UBTD2: variants seen among roughly 807,000 people sequenced by gnomAD.
UBTD2 encodes ubiquitin domain-containing protein 2.
In UBTD2, 9 loss-of-function variants were observed where a neutral mutation model predicts 19.8. That is an observed-to-expected ratio of 0.46 (90% CI 0.27 to 0.79). UBTD2 has a LOEUF of 0.79. Among genes scored for constraint, UBTD2 ranks in the 30% least tolerant of loss-of-function variants. The pLI is 0.14. For missense variants in UBTD2, 250 were observed against 300.4 expected, an observed-to-expected ratio of 0.83 and a Z score of 1.24; for synonymous variants, 98 against 103.9, an observed-to-expected ratio of 0.94 and a Z score of 0.35.
chr5:172,242,063 C>T (rs545803670), intron 1 of UBTD2, among the ~76,000 whole-genome samples: 3 of 152,290 alleles, frequency 2.0e-5, no homozygotes, highest in African/African-American at 7.2e-5. Flanking sequence ...TAAAAGAATA[C>T]AGCACTTCCT....
At chr5:172,252,060 A>C (rs1755036329) in intron 1 of UBTD2, among the ~76,000 whole-genome samples, 1 of 152,246 alleles carries the variant, frequency 6.6e-6, no homozygotes, top group Non-Finnish European at 1.5e-5. Context: ...AATTAGAAGA[A>C]GTAACTATTT....
chr5:172,254,248 C>T (rs899617736), intron 1 of UBTD2, among the ~76,000 whole-genome samples: 1 of 152,064 alleles, frequency 6.6e-6, no homozygotes, highest in East Asian at 1.9e-4. Context: ...TACAGGTATC[C>T]GCCACCACGC....
At chr5:172,251,090 G>A (rs555416924) in intron 1 of UBTD2, among the ~76,000 whole-genome samples, 6 of 151,806 alleles carry the variant, frequency 4.0e-5, no homozygotes, top group South Asian at 4.2e-4. Context: ...CGAGGCGGGC[G>A]GATCACGAGG....
intron 2 of UBTD2, among the ~76,000 whole-genome samples, chr5:172,215,657 C>T (rs926532156): frequency 6.6e-6 from 1 of 152,120 alleles, no homozygotes; most frequent in African/African-American, 2.4e-5. Flanking sequence ...GAATTTAAAA[C>T]ATGATTAATA....
chr5:172,257,579 T>C (rs1755181347), intron 1 of UBTD2, among the ~76,000 whole-genome samples: 1 of 152,268 alleles, frequency 6.6e-6, no homozygotes, highest in Non-Finnish European at 1.5e-5. Flanking sequence ...CCATAGAGGC[T>C]GAACTAATAT....
intron 1 of UBTD2, among the ~76,000 whole-genome samples, chr5:172,273,437 A>G (rs1755539081): frequency 1.3e-5 from 2 of 151,962 alleles, no homozygotes; most frequent in South Asian, 2.1e-4. Flanking sequence ...CTAAAAATAC[A>G]AAAATTAGCC....
intron 2 of UBTD2, among the ~76,000 whole-genome samples, chr5:172,216,480 T>C (rs1013424682): frequency 2.1e-5 from 3 of 146,284 alleles, no homozygotes; most frequent in African/African-American, 7.6e-5. Context: ...TGGCCAGACA[T>C]ACTGATTCAT....
chr5:172,225,026 C>T (rs1771737072), intron 2 of UBTD2, among the ~76,000 whole-genome samples: 1 of 152,122 alleles, frequency 6.6e-6, no homozygotes, highest in Non-Finnish European at 1.5e-5. Flanking sequence ...CTAGTTTTAA[C>T]ATAGTTCTAG....
intron 2 of UBTD2, among the ~76,000 whole-genome samples, chr5:172,217,656 T>C (rs911992557): frequency 1.3e-5 from 2 of 151,948 alleles, no homozygotes; most frequent in Non-Finnish European, 2.9e-5. Flanking sequence ...CAGGTAATTT[T>C]TGTATTTTTT....
intron 2 of UBTD2, among the ~76,000 whole-genome samples, chr5:172,225,084 GTT>G (rs1205657836): frequency 6.8e-6 from 1 of 147,010 alleles, no homozygotes; most frequent in Non-Finnish European, 1.5e-5. Flanking sequence ...GGAAGGACAG[GTT>G]TTTTTTTTTT....
At position 172,279,932 on chromosome 5, in the gene UBTD2, T is replaced by C. The variant is rs147804325; in HGVS notation, c.70+3664A>G. Among the ~76,000 whole-genome samples, 7 of 152,100 alleles carry C rather than the reference T, an allele frequency of 4.6e-5. No homozygotes were observed. The East Asian group carries it at 1.2e-3, about 25-fold the overall frequency. ...GCCTGACCAACACGGTGAAACCCCATCTCCACTAAAAATATGAAATTAGCC... is the reference window on the plus strand; with the variant it reads ...GCCTGACCAACACGGTGAAACCCCACCTCCACTAAAAATATGAAATTAGCC... On this transcript the variant is annotated intron_variant, in intron 1 of 2. Transcript: ENST00000393792.
intron 2 of UBTD2, among the ~76,000 whole-genome samples, chr5:172,222,673 A>G (rs919448958): frequency 3.3e-5 from 5 of 152,248 alleles, no homozygotes; most frequent in African/African-American, 1.2e-4. Flanking sequence ...AACGAAGGGA[A>G]TCCCAAGAAA....
intron 1 of UBTD2, among the ~76,000 whole-genome samples, chr5:172,259,822 G>A (rs1180199797): frequency 6.6e-6 from 1 of 152,142 alleles, no homozygotes; most frequent in Non-Finnish European, 1.5e-5. Flanking sequence ...GGGAGGCTGA[G>A]GTGGGTGGAT....
intron 1 of UBTD2, among the ~76,000 whole-genome samples, chr5:172,242,884 C>T (rs973441781): frequency 2.6e-5 from 4 of 152,134 alleles, no homozygotes; most frequent in African/African-American, 4.8e-5. Flanking sequence ...AAGGTCTTCC[C>T]TCATTCCCTT....
In UBTD2 at chr5:172,255,703, C is replaced by T. The variant is rs373824196; in HGVS notation, c.71-21345G>A. 8.5e-5 allele frequency among the ~76,000 whole-genome samples: 13 copies of T among 152,262 alleles called. No individual in the cohort carries two copies. The East Asian group carries it at 2.3e-3, about 27-fold the overall frequency. On this transcript the variant is annotated intron_variant, in intron 1 of 2. Coordinates refer to ENST00000393792, the MANE Select transcript of UBTD2 (RefSeq NM_152277.3). ...CCAGGCAGTCACATGATGCCGGCGC[C>T]GCTCGCTCAGCAAGTCCCCCGGGGC...
Position 172,255,946 on chromosome 5 carries a change from G to A in UBTD2, c.71-21588C>T, listed in dbSNP as rs547041606. Reference sequence around the variant, plus strand: ...TCTACTGAAAATACAAAAATTAGCCGGGCGTGGTGGCGGATACCTGTAATC... The same window carrying A: ...TCTACTGAAAATACAAAAATTAGCCAGGCGTGGTGGCGGATACCTGTAATC... On this transcript the variant is annotated intron_variant, in intron 1 of 2. Coordinates refer to ENST00000393792, the MANE Select transcript of UBTD2 (RefSeq NM_152277.3). Among the ~76,000 whole-genome samples, 1,118 of 152,078 alleles carry A rather than the reference G, an allele frequency of 7.4e-3. 4 individuals carry two copies. The highest frequency in any genetic ancestry group is 0.02 in the Middle Eastern group (6 of 294).
chr5:172,271,157 G>A (rs1055659299), intron 1 of UBTD2, among the ~76,000 whole-genome samples: 28 of 152,080 alleles, frequency 1.8e-4, no homozygotes, highest in African/African-American at 6.3e-4. Flanking sequence ...TGGGCTGGGC[G>A]CAGTGGCTCA....
rs925712808 is a variant in UBTD2 at position 172,230,870 on chromosome 5, G to A, written c.307+3252C>T. 3.3e-5 allele frequency among the ~76,000 whole-genome samples: 5 copies of A among 149,850 alleles called. 1 individual carries two copies. In the South Asian group the frequency reaches 8.4e-4, roughly 25 times the overall value. Reference sequence around the variant, plus strand: ...GCGATCTTGGCTCACTGCAAGCTCCGCCTCCCAGGTTCATGCCATTCTCCT... The same window carrying A: ...GCGATCTTGGCTCACTGCAAGCTCCACCTCCCAGGTTCATGCCATTCTCCT... On this transcript the variant is annotated intron_variant, in intron 2 of 2. Transcript: ENST00000393792.
In UBTD2 at chr5:172,234,277, C is replaced by T. The variant is rs888097377; in HGVS notation, c.152G>A (p.Arg51His). 5.0e-6 allele frequency: 8 copies of T among 1,614,046 alleles called. No homozygotes were observed. The South Asian group carries it at 6.6e-5, about 13-fold the overall frequency. The change falls in exon 2 of 3, where the codon CGC becomes CAC. Residue 51 changes from arginine (R) to histidine (H), a missense_variant. Transcript: ENST00000393792. The stretch of plus-strand genomic sequence containing the variant: ...ATCCCAAAATTCATCCCTCTTGCTG[C>T]GTAGTTGTCCATCTGTCATAGGATA... ...SDYPMTDGQL[R>H]SKRDEFWDTA... is the part of the protein sequence containing the mutation.
Sources: gnomAD v4.1 joint callset for allele counts (sites outside exome capture counted in the v4.1 genomes callset) on GRCh38, gnomAD v4.1.1 for gene constraint, MANE v1.5 for transcripts, NCBI Gene and HGNC (gene_info 2026-07-23, HGNC 2026-07-21) for gene names.